Variants in MGA observed in about 807,000 individuals in gnomAD.
The protein encoded by MGA is MAX dimerization protein MGA.
MGA carries 40 observed loss-of-function variants against 261.1 expected under a neutral mutation model. That is an observed-to-expected ratio of 0.15 (90% CI 0.12 to 0.20). MGA has a LOEUF of 0.20. Among genes scored for constraint, MGA ranks in the 10% least tolerant of loss-of-function variants. The probability of loss-of-function intolerance (pLI) is 1.00; values close to 1 mark genes in which losing one functional copy is unlikely to be tolerated. For synonymous variants in MGA, 1,302 were observed against 1,290.6 expected (o/e 1.01, Z -0.19); for missense variants, 3,397 against 3,630.5 (o/e 0.94, Z 1.65).
chr15:41,686,969 C>G (rs1281611475), intron 2 of MGA, among the ~76,000 whole-genome samples: 2 of 151,544 alleles, frequency 1.3e-5, no homozygotes, highest in African/African-American at 4.8e-5. Context: ...TTATGGTTAC[C>G]TCATAAAACA....
At chr15:41,639,019 A>G (rs1486221256) in intron 1 of MGA, among the ~76,000 whole-genome samples, 2 of 151,430 alleles carry the variant, frequency 1.3e-5, no homozygotes, top group Admixed American at 6.6e-5. Context: ...CCTTTTTTTG[A>G]TGGGGGTCTC....
chr15:41,752,442 TCACA>T (rs1464391434), intron 17 of MGA: 6 of 151,926 alleles, frequency 3.9e-5, no homozygotes, highest in African/African-American at 1.2e-4. Context: ...TTTTGCAGTC[TCACA>T]CTGTAAGTCA....
intron 2 of MGA, among the ~76,000 whole-genome samples, chr15:41,683,094 A>T (rs913239172): frequency 6.6e-6 from 1 of 152,090 alleles, no homozygotes; most frequent in Non-Finnish European, 1.5e-5. Context: ...GTTTGATGGC[A>T]TGTTTTGCTC....
chr15:41,682,860 T>C (rs1227922901), intron 2 of MGA, among the ~76,000 whole-genome samples: 1 of 152,210 alleles, frequency 6.6e-6, no homozygotes, highest in East Asian at 1.9e-4. Flanking sequence ...TGAAGTTCAT[T>C]TTTCAGTAGT....
chr15:41,622,125 GT>G (rs1210739613), intron 1 of MGA, among the ~76,000 whole-genome samples: 1 of 152,104 alleles, frequency 6.6e-6, no homozygotes, highest in Non-Finnish European at 1.5e-5. Context: ...CGGATTGCCT[GT>G]TTTTACTCCT....
intron 2 of MGA, among the ~76,000 whole-genome samples, chr15:41,680,870 C>T (rs2058631874): frequency 6.6e-6 from 1 of 152,172 alleles, no homozygotes; most frequent in African/African-American, 2.4e-5. Context: ...ATCTTCAGTT[C>T]TTTTCCCCAC....
Position 41,750,465 on chromosome 15 carries a change from G to A in MGA, c.6858G>A (p.Glu2286=), listed in dbSNP as rs781320771. 2 of 1,613,982 alleles carry A rather than the reference G, an allele frequency of 1.2e-6. No homozygotes were observed. The highest frequency in any genetic ancestry group is 1.7e-6 in the Non-Finnish European group (2 of 1,179,880). The stretch of plus-strand genomic sequence containing the variant: ...GAGAACAGATACAACCAAAGCAAGA[G>A]AAGAAGGGTGGGAGAAGCAGTGCTG... Residue 2286 remains glutamate, a synonymous_variant, in exon 17 of 24, where the codon GAG becomes GAA. Transcript: ENST00000219905.
chr15:41,679,860 TC>T (rs1208466127), intron 2 of MGA, among the ~76,000 whole-genome samples: 3 of 152,224 alleles, frequency 2.0e-5, no homozygotes, highest in African/African-American at 7.2e-5. Context: ...TTTTTCTTTT[TC>T]TTGTCTAATT....
At position 41,754,485 on chromosome 15, in the gene MGA, G is replaced by T; in HGVS notation, c.7057G>T (p.Glu2353Ter). Residue 2353 changes from glutamate (E) to a stop codon, truncating the protein, a stop_gained, in exon 18 of 24, where the codon GAG (glutamate) becomes TAG (stop). Transcript: ENST00000219905. LOFTEE classifies it high-confidence loss of function. ...GGATGATGAGGAGCACGTGGACATT[G>T]AGACTGTAGAAGAGCTCTCAGAGGA... is the stretch of plus-strand genomic sequence containing the variant. 6.4e-7 allele frequency: 1 copy of T among 1,565,732 alleles called. No individual in the cohort carries two copies. The highest frequency in any genetic ancestry group is 8.7e-7 in the Non-Finnish European group (1 of 1,153,454).
chr15:41,691,027 A>T, intron 2 of MGA, among the ~76,000 whole-genome samples: 1 of 88,502 alleles, frequency 1.1e-5, no homozygotes. Context: ...GCTCCCTTGC[A>T]TTTTCTTGTG....
At chr15:41,728,215 C>T (rs980997262) in intron 10 of MGA, among the ~76,000 whole-genome samples, 1 of 152,118 alleles carries the variant, frequency 6.6e-6, no homozygotes, top group Non-Finnish European at 1.5e-5. Context: ...CCTATAATCC[C>T]AGCTACTCGG....
intron 1 of MGA, among the ~76,000 whole-genome samples, chr15:41,661,191 A>G (rs1256003851): frequency 2.0e-5 from 3 of 151,938 alleles, no homozygotes; most frequent in Non-Finnish European, 4.4e-5. Context: ...GGAGGGGAAA[A>G]CAGGTGGGAA....
At chr15:41,754,042 C>T (rs985899840) in intron 17 of MGA, among the ~76,000 whole-genome samples, 6 of 152,114 alleles carry the variant, frequency 3.9e-5, no homozygotes, top group African/African-American at 1.2e-4. Flanking sequence ...CCTCAGGTTT[C>T]CGAGTAGCTG....
upstream of MGA, among the ~76,000 whole-genome samples, chr15:41,658,368 A>G (rs1315995246): frequency 6.6e-6 from 1 of 152,218 alleles, no homozygotes; most frequent in African/African-American, 2.4e-5. Context: ...TACATTATCC[A>G]AAGTATACAA....
At position 41,766,211 on chromosome 15, in the gene MGA, G is replaced by A; in HGVS notation, c.8129G>A (p.Arg2710Lys). The A allele has an allele frequency of 6.2e-7, 1 of 1,613,976 alleles. No individual in the cohort carries two copies. The highest frequency in any genetic ancestry group is 8.5e-7 in the Non-Finnish European group (1 of 1,179,854). ...TCTTCCAGAGGAAACAGAGATGGCAGAGTGACGTTGGGTCCAACGCAGGTT... is the reference window on the plus strand; with the variant it reads ...TCTTCCAGAGGAAACAGAGATGGCAAAGTGACGTTGGGTCCAACGCAGGTT... The change falls in exon 24 of 24, where the codon AGA (arginine) becomes AAA (lysine). Residue 2710 changes from arginine to lysine, a missense_variant. Around this residue, in one of 9 missense-constraint regions of MGA, gnomAD observed 647 missense variants for 642.4 expected, o/e 1.01. Coordinates refer to ENST00000219905, the MANE Select transcript of MGA (RefSeq NM_001164273.2).
At chr15:41,755,166 T>C (rs1344820976) in intron 18 of MGA, among the ~76,000 whole-genome samples, 1 of 152,192 alleles carries the variant, frequency 6.6e-6, no homozygotes. Flanking sequence ...AGCCTTATAT[T>C]GATTATGGAT....
chr15:41,656,344 T>TCTCTCTCTCTCTCTCTCTCTCTCTCTCTC (rs149903830), upstream of MGA, among the ~76,000 whole-genome samples: 3 of 60,030 alleles, frequency 5.0e-5, no homozygotes, highest in African/African-American at 4.7e-5. Context: ...CTCTCCTCTC[T>TCTCTCTCTCTCTCTCTCTCTCTCTCTCTC]TCTCTCTCTC....
rs779785984 is a variant in MGA at position 41,740,155 on chromosome 15, C to T, written c.4537C>T (p.Arg1513Cys). 71 of 1,613,866 alleles carry T rather than the reference C, an allele frequency of 4.4e-5. No individual in the cohort carries two copies. Among genetic ancestry groups the T allele is most frequent in the Middle Eastern group, 3.3e-4 (2 of 6,082 alleles). ...ATCCTCCTCTGGCACTGCAACAAATCGCCCTGGGAAGAATCTGAAGGCGTT... is the reference window on the plus strand; with the variant it reads ...ATCCTCCTCTGGCACTGCAACAAATTGCCCTGGGAAGAATCTGAAGGCGTT... Residue 1513 changes from arginine to cysteine, a missense_variant, in exon 14 of 24, where the codon CGC becomes TGC. By Grantham distance (180) the Arg-to-Cys change is radical. Transcript: ENST00000219905.
chr15:41,766,036 G>A lies in MGA; in HGVS notation c.7954G>A (p.Val2652Ile), dbSNP rs2063781515. The change falls in exon 24 of 24, where the codon GTT becomes ATT. Residue 2652 changes from valine to isoleucine, a missense_variant. Val to Ile is a conservative substitution (Grantham distance 29). Around this residue, in one of 9 missense-constraint regions of MGA, gnomAD observed 647 missense variants for 642.4 expected, o/e 1.01. Transcript: ENST00000219905. ...CGACTTATTTATGATGCCACGAATT[G>A]TTAATGTGACATCATTGGCCACAGA... is the stretch of plus-strand genomic sequence containing the variant. The A allele has an allele frequency of 6.2e-7, 1 of 1,611,824 alleles. No individual in the cohort carries two copies. Among genetic ancestry groups the A allele is most frequent in the Non-Finnish European group, 8.5e-7 (1 of 1,179,140 alleles).
Sources: allele counts gnomAD v4.1 joint callset (sites outside exome capture counted in the v4.1 genomes callset), GRCh38; gene constraint gnomAD v4.1.1; regional missense constraint gnomAD v4.1.1; transcripts MANE v1.5; gene names NCBI Gene and HGNC (gene_info 2026-07-23, HGNC 2026-07-21).